Variants in DOCK1 observed in about 807,000 individuals in gnomAD.
DOCK1 encodes dedicator of cytokinesis protein 1.
In DOCK1, 138 loss-of-function variants were observed where a neutral mutation model predicts 262.7. The observed-to-expected ratio is 0.53, with a 90% CI of 0.46 to 0.61. The LOEUF (loss-of-function observed/expected upper bound fraction) is 0.61, where lower values mean the gene tolerates loss of function less well. Ranked by LOEUF, DOCK1 falls within the 20% of genes least tolerant of loss-of-function variation. DOCK1 has a pLI of 0.00. For missense variants in DOCK1, 1,908 were observed against 2,370.7 expected (o/e 0.80, Z 4.05); for synonymous variants, 866 against 867.4 (o/e 1.00, Z 0.03).
intron 47 of DOCK1, among the ~76,000 whole-genome samples, chr10:127,432,100 A>G (rs533081617): frequency 6.6e-6 from 1 of 152,338 alleles, no homozygotes; most frequent in South Asian, 2.1e-4. Context: ...TCCTGAAACC[A>G]TCTCCTGCTG....
At chr10:127,301,740 G>A (rs2061685476) in intron 29 of DOCK1, among the ~76,000 whole-genome samples, 1 of 152,104 alleles carries the variant, frequency 6.6e-6, no homozygotes, top group South Asian at 2.1e-4. Flanking sequence ...GAGGTCAGGA[G>A]TTCGAGACCA....
chr10:127,381,136 T>C, intron 36 of DOCK1, 142 bp from the exon 37 acceptor site: 1 of 598,122 alleles, frequency 1.7e-6, no homozygotes, highest in Non-Finnish European at 2.6e-6. Flanking sequence ...ACCAAAAGTT[T>C]TTAAGGCATT....
chr10:127,425,385 G>T (rs927061003), intron 46 of DOCK1, among the ~76,000 whole-genome samples: 5 of 152,172 alleles, frequency 3.3e-5, no homozygotes, highest in Admixed American at 1.3e-4. Context: ...GCAGAGAAGC[G>T]ATTATTTTTA....
chr10:127,304,797 A>G (rs973200921), intron 29 of DOCK1, among the ~76,000 whole-genome samples: 42 of 152,136 alleles, frequency 2.8e-4, no homozygotes, highest in African/African-American at 1.0e-3. Flanking sequence ...TGGGAGAGTC[A>G]CTTGAGCCCA....
intron 27 of DOCK1, among the ~76,000 whole-genome samples, chr10:127,159,742 G>A (rs2053420953): frequency 6.6e-6 from 1 of 152,122 alleles, no homozygotes; most frequent in African/African-American, 2.4e-5. Context: ...AAGAAACAAA[G>A]AAGGGCAGGC....
At position 127,410,887 on chromosome 10, in the gene DOCK1, T is replaced by C. The variant is rs367916159; in HGVS notation, c.4391T>C (p.Ile1464Thr). 13 of 1,613,736 alleles carry C rather than the reference T, an allele frequency of 8.1e-6. No homozygotes were observed. Among genetic ancestry groups the C allele is most frequent in the Non-Finnish European group, 1.0e-5 (12 of 1,179,882 alleles). ...CAGCGATTTGAATATTCTCGGCCAA[T>C]CCGGAAGGGAGAGAAAAACCCAGAC... ...EVQRFEYSRP[I>T]RKGEKNPDNE... The change falls in exon 43 of 52, where the codon ATC (isoleucine) becomes ACC (threonine). Residue 1464 changes from isoleucine (I) to threonine (T), a missense_variant. By Grantham distance (89) the Ile-to-Thr change is moderately conservative. Transcript: ENST00000623213.
chr10:127,150,554 CT>C (rs562786276), intron 27 of DOCK1, among the ~76,000 whole-genome samples: 205 of 152,356 alleles, frequency 1.3e-3, no homozygotes, highest in Non-Finnish European at 2.2e-3. Flanking sequence ...TAACTGGCTT[CT>C]CTGTCTTTGT....
chr10:127,127,662 TC>T lies in DOCK1; in HGVS notation c.2752-3del. 1 of 1,610,296 alleles carries T rather than the reference TC, an allele frequency of 6.2e-7. No individual in the cohort carries two copies. The highest frequency in any genetic ancestry group is 8.5e-7 in the Non-Finnish European group (1 of 1,177,068). The stretch of plus-strand genomic sequence containing the variant: ...GTGTTGGTGTTCATTGGTGTGTCCT[TC>T]CCCAGGGGCCAACCCAGAGGCACGT... On this transcript the variant is annotated splice_region_variant and splice_polypyrimidine_tract_variant and intron_variant, in intron 26 of 51. Transcript: ENST00000623213.
At chr10:127,223,588 C>T (rs1363905362) in intron 27 of DOCK1, among the ~76,000 whole-genome samples, 1 of 152,078 alleles carries the variant, frequency 6.6e-6, no homozygotes, top group Non-Finnish European at 1.5e-5. Context: ...TGCAAATATT[C>T]CAAACTCTGA....
chr10:127,449,628 A>G (rs2070824735), intron 51 of DOCK1, among the ~76,000 whole-genome samples: 1 of 152,174 alleles, frequency 6.6e-6, no homozygotes, highest in African/African-American at 2.4e-5. Context: ...CTCAGGTGAC[A>G]CGCTGGTGGT....
intron 29 of DOCK1, among the ~76,000 whole-genome samples, chr10:127,280,699 A>G (rs539218223): frequency 2.0e-5 from 3 of 152,360 alleles, no homozygotes; most frequent in South Asian, 2.1e-4. Flanking sequence ...AGGGCTTACT[A>G]TAGAAATGCA....
At chr10:127,093,250 T>C (rs1391005874) in intron 23 of DOCK1, among the ~76,000 whole-genome samples, 18 of 136,230 alleles carry the variant, frequency 1.3e-4, no homozygotes, top group African/African-American at 5.0e-4. Flanking sequence ...TTCTTTTTTT[T>C]TTTTTTTTTT....
In DOCK1 at chr10:127,439,010, A is replaced by G. The variant is rs1327725139; in HGVS notation, c.5061-17A>G. 1 of 1,545,910 alleles carries G rather than the reference A, an allele frequency of 6.5e-7. No homozygotes were observed. The highest frequency in any genetic ancestry group is 1.2e-5 in the South Asian group (1 of 82,854). ...GCAATTGCTCTCCTATTAAGACGTC[A>G]TTGACCTTTCCTTTAGGTTTGCCCT... On this transcript the variant is annotated splice_polypyrimidine_tract_variant and intron_variant, in intron 48 of 51. Coordinates refer to ENST00000623213, the MANE Select transcript of DOCK1 (RefSeq NM_001290223.2).
intron 23 of DOCK1, among the ~76,000 whole-genome samples, chr10:127,067,577 G>T (rs1268285594): frequency 6.6e-6 from 1 of 151,738 alleles, no homozygotes; most frequent in African/African-American, 2.4e-5. Flanking sequence ...AAATGCTCAT[G>T]AAGAAGTTCT....
At chr10:127,349,453 A>G (rs1197423776) in intron 31 of DOCK1, among the ~76,000 whole-genome samples, 2 of 152,020 alleles carry the variant, frequency 1.3e-5, no homozygotes, top group East Asian at 1.9e-4. Context: ...CCTGCACCCC[A>G]GCATCAAGTG....
At chr10:126,916,000 TAAATC>T (rs1254836417) in intron 1 of DOCK1, among the ~76,000 whole-genome samples, 6 of 152,244 alleles carry the variant, frequency 3.9e-5, no homozygotes, top group Non-Finnish European at 2.9e-5. Flanking sequence ...GCTATAAAGT[TAAATC>T]AAGGAGAGCA....
chr10:127,219,016 A>G (rs779787792), intron 27 of DOCK1, among the ~76,000 whole-genome samples: 6 of 152,204 alleles, frequency 3.9e-5, no homozygotes, highest in African/African-American at 9.7e-5. Flanking sequence ...CACCTCTTAA[A>G]GGATGCACTT....
intron 27 of DOCK1, among the ~76,000 whole-genome samples, chr10:127,243,593 GC>G (rs2059335715): frequency 6.6e-6 from 1 of 152,084 alleles, no homozygotes; most frequent in Non-Finnish European, 1.5e-5. Context: ...TGAAATGGGG[GC>G]CCAAACACAT....
intron 1 of DOCK1, among the ~76,000 whole-genome samples, chr10:126,924,841 C>T (rs1326338570): frequency 1.3e-5 from 2 of 152,104 alleles, no homozygotes. Context: ...GATCTAAGTC[C>T]CTGGAAATGA....
Sources: gnomAD v4.1 joint callset for allele counts (sites outside exome capture counted in the v4.1 genomes callset) on GRCh38, gnomAD v4.1.1 for gene constraint, MANE v1.5 for transcripts, NCBI Gene and HGNC (gene_info 2026-07-23, HGNC 2026-07-21) for gene names.